The following ADAM23 variants were observed in gnomAD, a reference collection of about 807,000 sequenced individuals.
ADAM23 encodes ADAM metallopeptidase domain 23, also known as disintegrin and metalloproteinase domain-containing protein 23.
A neutral mutation model predicts 120.1 loss-of-function variants in ADAM23; 33 were observed. The observed-to-expected ratio is 0.27, with a 90% CI of 0.21 to 0.37. ADAM23 has a LOEUF of 0.37. Ranked by LOEUF, ADAM23 falls within the 10% of genes least tolerant of loss-of-function variation. ADAM23 has a pLI of 1.00. For synonymous variants in ADAM23, 367 were observed against 375.2 expected, an observed-to-expected ratio of 0.98 and a Z score of 0.25; for missense variants, 862 against 1,058.2, an observed-to-expected ratio of 0.81 and a Z score of 2.57.
At chr2:206,581,970 C>G (rs187775562) in intron 18 of ADAM23, among the ~76,000 whole-genome samples, 74 of 152,144 alleles carry the variant, frequency 4.9e-4, no homozygotes, top group African/African-American at 1.4e-3. Context: ...CTCTGCCTCC[C>G]AGGTTCAAGT....
At chr2:206,493,349 A>G (rs1371625263) in intron 3 of ADAM23, among the ~76,000 whole-genome samples, 1 of 152,196 alleles carries the variant, frequency 6.6e-6, no homozygotes, top group African/African-American at 2.4e-5. Context: ...GTGTTTAAAA[A>G]CAAAATAATC....
At chr2:206,509,150 C>T (rs1198564125) in intron 3 of ADAM23, among the ~76,000 whole-genome samples, 2 of 152,148 alleles carry the variant, frequency 1.3e-5, no homozygotes, top group Non-Finnish European at 2.9e-5. Context: ...AAATCAAAAG[C>T]AGTTTTTTTG....
chr2:206,581,688 G>A (rs1031976317), intron 18 of ADAM23, among the ~76,000 whole-genome samples: 3 of 152,174 alleles, frequency 2.0e-5, no homozygotes, highest in Non-Finnish European at 4.4e-5. Context: ...AATAGAATGT[G>A]TATTCTGCAG....
At chr2:206,531,012 C>T in intron 4 of ADAM23, 64 bp downstream of exon 4, 1 of 1,351,350 alleles carries the variant, frequency 7.4e-7, no homozygotes, top group East Asian at 2.4e-5. Flanking sequence ...TTGATCAGTG[C>T]ACACTGCGTT....
chr2:206,447,588 A>G (rs1000058837), intron 2 of ADAM23, among the ~76,000 whole-genome samples: 1 of 152,182 alleles, frequency 6.6e-6, no homozygotes, highest in Admixed American at 6.5e-5. Flanking sequence ...GAAGTAGTTG[A>G]TAAAAAGTGT....
At chr2:206,450,727 G>A (rs965294943) in intron 2 of ADAM23, among the ~76,000 whole-genome samples, 1 of 152,192 alleles carries the variant, frequency 6.6e-6, no homozygotes, top group Non-Finnish European at 1.5e-5. Flanking sequence ...TGATAATCAA[G>A]AGCTGGTAGT....
In ADAM23 at chr2:206,504,862, G is replaced by A. The variant is rs546364704; in HGVS notation, c.509+23554G>A. Among the ~76,000 whole-genome samples the A allele has an allele frequency of 8.7e-4, 133 of 152,180 alleles. 1 individual carries two copies. The highest frequency in any genetic ancestry group is 3.1e-3 in the African/African-American group (129 of 41,512). ...TATTGCCTATAGGGCTCTTATATGT[G>A]TAAGCTGTAGATTATGTATGTGGAA... On this transcript the variant is annotated intron_variant, in intron 3 of 25. Transcript: ENST00000264377.
At position 206,445,432 on chromosome 2, in the gene ADAM23, C is replaced by G; in HGVS notation, c.340C>G (p.Pro114Ala). ...TGCAATGCAGAAAGAAATCACACTG[C>G]CTTCAAGACTCATATATTACATCAA... ...SNAMQKEITL[P>A]SRLIYYINQD... Residue 114 changes from proline to alanine, a missense_variant, in exon 2 of 26, where the codon CCT becomes GCT. Pro to Ala is a conservative substitution (Grantham distance 27, BLOSUM62 -1). Around this residue, in one of 4 missense-constraint regions of ADAM23, gnomAD observed 225 missense variants for 204.0 expected, o/e 1.10. Coordinates refer to ENST00000264377, the MANE Select transcript of ADAM23 (RefSeq NM_003812.4). 6.2e-7 allele frequency: 1 copy of G among 1,614,108 alleles called. No homozygotes were observed. The highest frequency in any genetic ancestry group is 8.5e-7 in the Non-Finnish European group (1 of 1,179,990).
chr2:206,571,723 C>T lies in ADAM23; in HGVS notation c.1567-4C>T, dbSNP rs1698004428. On this transcript the variant is annotated splice_region_variant and splice_polypyrimidine_tract_variant and intron_variant, in intron 16 of 25. Transcript: ENST00000264377. The stretch of plus-strand genomic sequence containing the variant: ...CGCTTACTCACGTGAAGTGTTTTCT[C>T]TAGGAATGCTATGGATTATGCTGTA... 6.2e-7 allele frequency: 1 copy of T among 1,613,374 alleles called. No homozygotes were observed. Among genetic ancestry groups the T allele is most frequent in the South Asian group, 1.1e-5 (1 of 91,058 alleles).
chr2:206,453,681 G>C (rs1695240791), intron 2 of ADAM23, among the ~76,000 whole-genome samples: 1 of 152,176 alleles, frequency 6.6e-6, no homozygotes, highest in African/African-American at 2.4e-5. Context: ...AGAATAATGA[G>C]AAATTAAAAA....
chr2:206,496,414 C>T (rs887549813), intron 3 of ADAM23, among the ~76,000 whole-genome samples: 216 of 152,136 alleles, frequency 1.4e-3, no homozygotes, highest in Non-Finnish European at 1.7e-3. Context: ...GGGTACATAA[C>T]GAAATGAAGG....
At chr2:206,571,302 C>T (rs955933072) in intron 16 of ADAM23, among the ~76,000 whole-genome samples, 9 of 151,568 alleles carry the variant, frequency 5.9e-5, no homozygotes, top group African/African-American at 2.2e-4. Context: ...GGTGAAACCC[C>T]GTCTTTACTA....
intron 24 of ADAM23, among the ~76,000 whole-genome samples, chr2:206,596,500 G>A (rs1308439238): frequency 2.0e-5 from 3 of 152,084 alleles, no homozygotes; most frequent in African/African-American, 7.2e-5. Context: ...TTTTCTAATA[G>A]ATCAAATCTT....
intron 4 of ADAM23, among the ~76,000 whole-genome samples, chr2:206,532,326 T>C (rs374079815): frequency 7.5e-6 from 1 of 133,286 alleles, no homozygotes; most frequent in Non-Finnish European, 1.7e-5. Context: ...ACTTAGTTAC[T>C]TTTTTTTTTT....
intron 3 of ADAM23, among the ~76,000 whole-genome samples, chr2:206,518,289 G>A (rs1696774191): frequency 6.6e-6 from 1 of 152,068 alleles, no homozygotes; most frequent in African/African-American, 2.4e-5. Flanking sequence ...CTTAATAATA[G>A]TTAAAAGATA....
chr2:206,607,959 C>CTA (rs10626869), intron 24 of ADAM23: 377,026 of 451,024 alleles, frequency 0.84, 158,905 homozygotes, highest in African/African-American at 0.95. Flanking sequence ...TAATCCTAGC[C>CTA]TGTTTTCTGA....
chr2:206,539,346 C>A lies in ADAM23; in HGVS notation c.574-2706C>A, dbSNP rs1287242150. On this transcript the variant is annotated intron_variant, in intron 4 of 25. Transcript: ENST00000264377. The stretch of plus-strand genomic sequence containing the variant: ...CAGAGACTTGTGTCATGGGCTGAAT[C>A]GAGCCCTTTTTGGTTGTCCCTGCTG... Among the ~76,000 whole-genome samples the A allele has an allele frequency of 3.3e-5, 5 of 152,206 alleles. No homozygotes were observed. In the East Asian group the frequency reaches 9.7e-4, roughly 29 times the overall value.
At chr2:206,528,201 T>C (rs567951323) in intron 3 of ADAM23, among the ~76,000 whole-genome samples, 41 of 152,304 alleles carry the variant, frequency 2.7e-4, no homozygotes, top group African/African-American at 9.4e-4. Context: ...TGCCTCCTGG[T>C]GTTGCAGAAG....
chr2:206,576,539 A>G (rs1698115650), intron 18 of ADAM23, among the ~76,000 whole-genome samples: 1 of 152,074 alleles, frequency 6.6e-6, no homozygotes, highest in Non-Finnish European at 1.5e-5. Context: ...GATGAACCTA[A>G]AATAGAAGTA....
Sources: allele counts gnomAD v4.1 joint callset (sites outside exome capture counted in the v4.1 genomes callset), GRCh38; gene constraint gnomAD v4.1.1; regional missense constraint gnomAD v4.1.1; transcripts MANE v1.5; gene names NCBI Gene and HGNC (gene_info 2026-07-23, HGNC 2026-07-21).